ADAM12: variants seen among roughly 807,000 people sequenced by gnomAD.
ADAM12 encodes ADAM metallopeptidase domain 12.
A neutral mutation model predicts 106.4 loss-of-function variants in ADAM12; 70 were observed. That is an observed-to-expected ratio of 0.66 (90% CI 0.54 to 0.80). ADAM12 has a LOEUF of 0.80. Ranked by LOEUF, ADAM12 falls within the 30% of genes least tolerant of loss-of-function variation. The pLI, the probability that ADAM12 is intolerant of heterozygous loss-of-function variation, is 0.00. For synonymous variants in ADAM12, 420 were observed against 433.5 expected (o/e 0.97, Z 0.39); for missense variants, 1,010 against 1,171.9 (o/e 0.86, Z 2.02).
intron 3 of ADAM12, among the ~76,000 whole-genome samples, chr10:126,250,570 T>C (rs1958726538): frequency 6.6e-6 from 1 of 152,230 alleles, no homozygotes; most frequent in Non-Finnish European, 1.5e-5. Flanking sequence ...GATTATTTTT[T>C]TGTGGCTTGG....
chr10:126,113,687 A>AATATATATATATATAT (rs71309278), intron 6 of ADAM12, among the ~76,000 whole-genome samples: 1 of 24,134 alleles, frequency 4.1e-5, no homozygotes, highest in Non-Finnish European at 6.5e-5. Flanking sequence ...AAAAAAAAAA[A>AATATATATATATATAT]ATATATATAT....
chr10:126,177,202 T>A, intron 3 of ADAM12, among the ~76,000 whole-genome samples: 1 of 150,458 alleles, frequency 6.6e-6, no homozygotes, highest in Non-Finnish European at 1.5e-5. Flanking sequence ...CTAAGAAAAA[T>A]GGACAATTAC....
At chr10:126,255,381 T>G (rs1165467879) in intron 3 of ADAM12, among the ~76,000 whole-genome samples, 1 of 151,988 alleles carries the variant, frequency 6.6e-6, no homozygotes, top group African/African-American at 2.4e-5. Flanking sequence ...GTGTCCCGAG[T>G]CCAGCTCTCG....
chr10:126,185,771 T>C (rs1217128854), intron 3 of ADAM12, among the ~76,000 whole-genome samples: 1 of 151,908 alleles, frequency 6.6e-6, no homozygotes, highest in Non-Finnish European at 1.5e-5. Context: ...GGCAGCCCAA[T>C]GCAAGCAATA....
intron 1 of ADAM12, among the ~76,000 whole-genome samples, chr10:126,334,465 G>A (rs1319092401): frequency 2.6e-5 from 4 of 152,070 alleles, no homozygotes; most frequent in African/African-American, 7.2e-5. Context: ...ATATTAGATC[G>A]TTCATCTCTG....
intron 3 of ADAM12, among the ~76,000 whole-genome samples, chr10:126,195,107 G>A (rs979255085): frequency 2.0e-5 from 3 of 152,144 alleles, no homozygotes; most frequent in Admixed American, 6.5e-5. Context: ...TGGAGGGCTT[G>A]GGGGTGGAGA....
Position 126,388,306 on chromosome 10 carries a change from T to A in ADAM12, c.-161A>T, listed in dbSNP as rs1856754192. The A allele has an allele frequency of 1.9e-6, 2 of 1,056,574 alleles. No homozygotes were observed. Among genetic ancestry groups the A allele is most frequent in the Admixed American group, 4.6e-5 (1 of 21,748 alleles). The allele number at this position is 1,056,574 out of a possible 1,614,324, so 65.4% of individuals were successfully genotyped here. On this transcript the variant is annotated 5_prime_UTR_variant, in exon 1 of 23. Transcript: ENST00000448723. This position sits in a 1 kb window ranked among gnomAD's most constrained non-coding sequence, Gnocchi z 4.4. ...CGCAGCGCCCGCGCCGCCGCTGAGC[T>A]CTTCTAGCCTTTCATTTTTAAAAAA...
intron 3 of ADAM12, among the ~76,000 whole-genome samples, chr10:126,233,327 G>A (rs970682351): frequency 2.0e-5 from 3 of 152,144 alleles, no homozygotes; most frequent in South Asian, 2.1e-4. Flanking sequence ...TAAGGAGAGT[G>A]TTAAAGAAGG....
At chr10:126,139,742 C>T (rs538827917) in intron 4 of ADAM12, among the ~76,000 whole-genome samples, 1 of 151,930 alleles carries the variant, frequency 6.6e-6, no homozygotes, top group African/African-American at 2.4e-5. Flanking sequence ...TGTTCCTCCC[C>T]CAGAGAAGCT....
At chr10:126,385,491 T>C (rs1007571002) in intron 1 of ADAM12, among the ~76,000 whole-genome samples, 1 of 152,112 alleles carries the variant, frequency 6.6e-6, no homozygotes, top group African/African-American at 2.4e-5. Context: ...TCTTATTATA[T>C]CACAATATCA....
At chr10:126,234,803 G>A (rs1396385247) in intron 3 of ADAM12, among the ~76,000 whole-genome samples, 2 of 152,322 alleles carry the variant, frequency 1.3e-5, no homozygotes, top group South Asian at 4.1e-4. Flanking sequence ...TCAGGCCAAC[G>A]CTCACACCAG....
chr10:126,363,915 G>C (rs761062456), intron 1 of ADAM12, among the ~76,000 whole-genome samples: 2 of 152,028 alleles, frequency 1.3e-5, no homozygotes, highest in Non-Finnish European at 2.9e-5. Flanking sequence ...TAGAACACTA[G>C]GGAATTAAAT....
intron 1 of ADAM12, among the ~76,000 whole-genome samples, chr10:126,356,078 C>T (rs185421253): frequency 3.9e-4 from 59 of 152,330 alleles, no homozygotes; most frequent in African/African-American, 1.3e-3. Context: ...TCAGCTTAAC[C>T]TCAAAGCCTA....
At chr10:126,380,608 T>A (rs1020443910) in intron 1 of ADAM12, among the ~76,000 whole-genome samples, 7 of 152,334 alleles carry the variant, frequency 4.6e-5, no homozygotes, top group African/African-American at 1.7e-4. Context: ...ACAAACTCCT[T>A]TTTAAGTAAC....
chr10:126,314,269 A>C (rs1466450840), intron 2 of ADAM12, among the ~76,000 whole-genome samples: 1 of 152,218 alleles, frequency 6.6e-6, no homozygotes, highest in Non-Finnish European at 1.5e-5. Context: ...AAAAGTAGCC[A>C]GCTCGATTGT....
At chr10:126,107,862 G>A (rs1257079286) in intron 8 of ADAM12, among the ~76,000 whole-genome samples, 5 of 152,192 alleles carry the variant, frequency 3.3e-5, no homozygotes, top group Admixed American at 2.0e-4. Context: ...GCTAAGGGTC[G>A]TCAGCAGCAA....
At chr10:126,384,566 A>C (rs1389811608) in intron 1 of ADAM12, among the ~76,000 whole-genome samples, 1 of 152,016 alleles carries the variant, frequency 6.6e-6, no homozygotes, top group Non-Finnish European at 1.5e-5. Context: ...CAGGAGGATG[A>C]GGGGCTCTAG....
chr10:126,113,016 G>C (rs1483256542), intron 6 of ADAM12, among the ~76,000 whole-genome samples: 7 of 152,202 alleles, frequency 4.6e-5, no homozygotes, highest in Non-Finnish European at 8.8e-5. Flanking sequence ...GAAAGAAAGA[G>C]AGAGTCTGTG....
chr10:126,216,654 G>A (rs957900010), intron 3 of ADAM12, among the ~76,000 whole-genome samples: 4 of 152,154 alleles, frequency 2.6e-5, no homozygotes, highest in Non-Finnish European at 4.4e-5. Flanking sequence ...TCCTTCCGAC[G>A]CATCCTTTAT....
Sources: gnomAD v4.1 joint callset for allele counts (sites outside exome capture counted in the v4.1 genomes callset) on GRCh38, gnomAD v4.1.1 for gene constraint, Gnocchi (gnomAD v3.1) non-coding constraint, MANE v1.5 for transcripts, NCBI Gene and HGNC (gene_info 2026-07-23, HGNC 2026-07-21) for gene names.